Variants in RBFOX1 observed in about 807,000 individuals in gnomAD.
The protein encoded by RBFOX1 is RNA binding fox-1 homolog 1.
In RBFOX1, 8 loss-of-function variants were observed where a neutral mutation model predicts 57.7. The ratio of observed to expected loss-of-function variants is 0.14; its 90% confidence interval spans 0.08 to 0.25. RBFOX1 has a LOEUF of 0.25. Ranked by LOEUF, RBFOX1 falls within the 10% of genes least tolerant of loss-of-function variation. The pLI is 1.00. For missense variants in RBFOX1, 611 were observed against 548.5 expected (o/e 1.11, Z -1.14); for synonymous variants, 326 against 222.4 (o/e 1.47, Z -4.15).
intron 3 of RBFOX1, among the ~76,000 whole-genome samples, chr16:6,844,928 A>G (rs1004728930): frequency 2.0e-5 from 3 of 152,132 alleles, no homozygotes; most frequent in African/African-American, 7.2e-5. Context: ...AATTTCTCTA[A>G]TGATCAGTGA....
intron 1 of RBFOX1, among the ~76,000 whole-genome samples, chr16:6,049,669 T>C (rs1223848567): frequency 6.6e-6 from 1 of 152,338 alleles, no homozygotes; most frequent in East Asian, 1.9e-4. Context: ...TTTTCAAAAA[T>C]GTCATTGTTT....
At chr16:7,420,504 C>G (rs943213610) in intron 4 of RBFOX1, among the ~76,000 whole-genome samples, 3 of 152,156 alleles carry the variant, frequency 2.0e-5, no homozygotes, top group Non-Finnish European at 4.4e-5. Flanking sequence ...TCTTGTCAGA[C>G]TCATGTCTGA....
intron 10 of RBFOX1, among the ~76,000 whole-genome samples, chr16:7,608,108 T>C (rs773440157): frequency 7.2e-5 from 11 of 152,238 alleles, no homozygotes; most frequent in Middle Eastern, 3.2e-3. Flanking sequence ...GTTTGCCACA[T>C]GGCTATTTAA....
intron 1 of RBFOX1, among the ~76,000 whole-genome samples, chr16:5,372,807 C>G (rs558520571): frequency 6.6e-6 from 1 of 152,200 alleles, no homozygotes; most frequent in Non-Finnish European, 1.5e-5. Flanking sequence ...TGCTGGGTCG[C>G]GTTGACCCGC....
intron 3 of RBFOX1, among the ~76,000 whole-genome samples, chr16:6,992,360 G>A (rs1302329117): frequency 1.3e-5 from 2 of 151,988 alleles, no homozygotes; most frequent in South Asian, 2.1e-4. Flanking sequence ...TGGGACTACA[G>A]GTACCCACCA....
chr16:6,862,979 T>G (rs2059280146), intron 3 of RBFOX1, among the ~76,000 whole-genome samples: 1 of 148,742 alleles, frequency 6.7e-6, no homozygotes, highest in Non-Finnish European at 1.5e-5. Flanking sequence ...AGGGAGACTC[T>G]GTCTAAAAAA....
Position 7,391,844 on chromosome 16 carries a change from A to C in RBFOX1, c.28-126303A>C, listed in dbSNP as rs2098030944. Among the ~76,000 whole-genome samples, 4 of 152,266 alleles carry C rather than the reference A, an allele frequency of 2.6e-5. No homozygotes were observed. In the South Asian group the frequency reaches 8.3e-4, roughly 32 times the overall value. On this transcript the variant is annotated intron_variant, in intron 4 of 15. Transcript: ENST00000550418. ...AATGAATGAATGAATGGGTTACACA[A>C]CCAGCCTGTCCAGACACTGATTCTT...
intron 2 of RBFOX1, among the ~76,000 whole-genome samples, chr16:6,520,801 C>T (rs1255839596): frequency 6.6e-6 from 1 of 152,098 alleles, no homozygotes; most frequent in Non-Finnish European, 1.5e-5. Context: ...TAATTAACCC[C>T]ACAAAGCAGG....
intron 3 of RBFOX1, among the ~76,000 whole-genome samples, chr16:5,753,109 G>C (rs999072302): frequency 1.3e-5 from 2 of 151,864 alleles, no homozygotes; most frequent in African/African-American, 4.8e-5. Context: ...GCAGTGAGCT[G>C]TGATCACACC....
intron 2 of RBFOX1, among the ~76,000 whole-genome samples, chr16:6,575,545 CCATA>C (rs58434024): frequency 0.015 from 2,206 of 152,122 alleles, 48 homozygotes; most frequent in African/African-American, 0.05. Context: ...CACATGTGAA[CCATA>C]CATACATTTT....
intron 14 of RBFOX1, among the ~76,000 whole-genome samples, chr16:7,706,784 C>G (rs909975054): frequency 2.0e-5 from 3 of 152,114 alleles, no homozygotes; most frequent in Non-Finnish European, 2.9e-5. Context: ...AGACTTCATT[C>G]CCTCATGAAA....
intron 2 of RBFOX1, among the ~76,000 whole-genome samples, chr16:6,509,385 A>G (rs1218279704): frequency 1.3e-5 from 2 of 152,200 alleles, no homozygotes; most frequent in African/African-American, 2.4e-5. Flanking sequence ...ATTTGCAACA[A>G]CATAGATGGA....
chr16:5,977,776 C>A (rs1247302121), intron 4 of RBFOX1, among the ~76,000 whole-genome samples: 1 of 152,048 alleles, frequency 6.6e-6, no homozygotes, highest in South Asian at 2.1e-4. Context: ...GCCCACTGTC[C>A]CGATCTGTAT....
At chr16:6,603,771 C>T (rs2097886949) in intron 2 of RBFOX1, among the ~76,000 whole-genome samples, 1 of 152,162 alleles carries the variant, frequency 6.6e-6, no homozygotes, top group Non-Finnish European at 1.5e-5. Flanking sequence ...TTAGGGTTAA[C>T]ATCTGAATCA....
chr16:7,647,852 G>C (rs1468431421), intron 11 of RBFOX1, among the ~76,000 whole-genome samples: 1 of 152,106 alleles, frequency 6.6e-6, no homozygotes, highest in Admixed American at 6.6e-5. Context: ...TCTAAACTAG[G>C]ATAGATGACA....
At chr16:6,078,158 G>A (rs1408881559) in intron 1 of RBFOX1, among the ~76,000 whole-genome samples, 1 of 152,028 alleles carries the variant, frequency 6.6e-6, no homozygotes, top group East Asian at 1.9e-4. Flanking sequence ...TTGAACATGT[G>A]GTAACATGTA....
chr16:7,156,261 TGTGTAC>T (rs1254893203), intron 4 of RBFOX1, among the ~76,000 whole-genome samples: 48 of 142,366 alleles, frequency 3.4e-4, no homozygotes, highest in Non-Finnish European at 6.8e-4. Context: ...TACATATGTA[TGTGTAC>T]ATGTACATGT....
chr16:7,535,175 A>G (rs564215052), intron 5 of RBFOX1, among the ~76,000 whole-genome samples: 4 of 152,330 alleles, frequency 2.6e-5, no homozygotes, highest in East Asian at 1.9e-4. Flanking sequence ...ATATAATACA[A>G]TAATAATGCA....
chr16:6,415,831 C>T (rs1388572888), intron 2 of RBFOX1, among the ~76,000 whole-genome samples: 3 of 152,198 alleles, frequency 2.0e-5, no homozygotes, highest in Non-Finnish European at 2.9e-5. Flanking sequence ...TGACAGCTAA[C>T]GTAGGGACTT....
Sources: gnomAD v4.1 joint callset for allele counts (sites outside exome capture counted in the v4.1 genomes callset) on GRCh38, gnomAD v4.1.1 for gene constraint, MANE v1.5 for transcripts, NCBI Gene and HGNC (gene_info 2026-07-23, HGNC 2026-07-21) for gene names.